Variants in ADGRD1 observed in about 807,000 individuals in gnomAD.
ADGRD1 encodes adhesion G protein-coupled receptor D1.
A neutral mutation model predicts 113.4 loss-of-function variants in ADGRD1; 77 were observed. The ratio of observed to expected loss-of-function variants is 0.68; its 90% CI spans 0.57 to 0.82. The LOEUF (loss-of-function observed/expected upper bound fraction) is 0.82, where lower values mean the gene tolerates loss of function less well. Among genes scored for constraint, ADGRD1 ranks in the 40% least tolerant of loss-of-function variants. ADGRD1 has a pLI of 0.00. For synonymous variants in ADGRD1, 474 were observed against 475.0 expected (o/e 1.00, Z 0.03); for missense variants, 1,036 against 1,139.1 (o/e 0.91, Z 1.30).
chr12:131,128,868 G>A lies in ADGRD1; in HGVS notation c.2176-2857G>A, dbSNP rs948049293. On this transcript the variant is annotated intron_variant, in intron 20 of 24. Coordinates refer to ENST00000261654, the MANE Select transcript of ADGRD1 (RefSeq NM_198827.5). Reference sequence around the variant, plus strand: ...CCCTGCTGTCTGGGTGTGGACGGCAGCCCCACCCTGCTGTCTGGGTGTGAG... The same window carrying A: ...CCCTGCTGTCTGGGTGTGGACGGCAACCCCACCCTGCTGTCTGGGTGTGAG... Among the ~76,000 whole-genome samples the A allele has an allele frequency of 4.6e-5, 7 of 151,612 alleles. No individual in the cohort carries two copies. In the East Asian group the frequency reaches 1.2e-3, roughly 25 times the overall value.
chr12:131,099,917 T>C (rs559915318), intron 15 of ADGRD1, among the ~76,000 whole-genome samples: 6 of 152,252 alleles, frequency 3.9e-5, no homozygotes, highest in East Asian at 1.9e-4. Context: ...TAAAAGTACA[T>C]GATAAAGAGA....
chr12:131,139,018 G>T, intron 24 of ADGRD1, 150 bp from the exon 25 acceptor site: 1 of 616,312 alleles, frequency 1.6e-6, no homozygotes. Flanking sequence ...ATCTCCCCCA[G>T]GAGCATGGGG....
At position 130,982,017 on chromosome 12, in the gene ADGRD1, T is replaced by C. The variant is rs4759534; in HGVS notation, c.444T>C (p.Tyr148=). The C allele has an allele frequency of 0.98, 1,587,341 of 1,614,038 alleles. 782,321 individuals carry two copies. The highest frequency in any genetic ancestry group is 0.99 in the Non-Finnish European group (1,173,831 of 1,180,004). ...SSGGRGSVEL[Y]TRDNSMTWEA... ...GTGGCAGAGGCTCTGTGGAGCTGTA[T>C]ACGCGGGACAATTCCATGACATGGG... The change falls in exon 5 of 25, where the codon TAT becomes TAC. Residue 148 remains tyrosine, a synonymous_variant. Coordinates refer to ENST00000261654, the MANE Select transcript of ADGRD1 (RefSeq NM_198827.5).
chr12:131,039,908 C>T lies in ADGRD1; in HGVS notation c.1473+25568C>T, dbSNP rs143726758. On this transcript the variant is annotated intron_variant, in intron 13 of 24. Coordinates refer to ENST00000261654, the MANE Select transcript of ADGRD1 (RefSeq NM_198827.5). Reference sequence around the variant, plus strand: ...GAGGATCTGAGAAGGTGCTGCCGGCCAGCTGTGCTGGTGGCCCTGCCGGCG... The same window carrying T: ...GAGGATCTGAGAAGGTGCTGCCGGCTAGCTGTGCTGGTGGCCCTGCCGGCG... Among the ~76,000 whole-genome samples, 677 of 152,364 alleles carry T rather than the reference C, an allele frequency of 4.4e-3. 4 individuals carry two copies. Among genetic ancestry groups the T allele is most frequent in the African/African-American group, 0.016 (649 of 41,588 alleles).
At chr12:130,982,220 C>T (rs1873094884) in intron 5 of ADGRD1, among the ~76,000 whole-genome samples, 157 bp downstream of exon 5, 2 of 152,144 alleles carry the variant, frequency 1.3e-5, no homozygotes, top group African/African-American at 4.8e-5. Flanking sequence ...TGGGGAGGTG[C>T]ATGGGGAGAG....
At chr12:131,086,809 C>T (rs1031642664) in intron 15 of ADGRD1, among the ~76,000 whole-genome samples, 7 of 152,200 alleles carry the variant, frequency 4.6e-5, no homozygotes, top group Non-Finnish European at 7.3e-5. Context: ...AAAGAGAAGG[C>T]CCTTTCTTTT....
intron 8 of ADGRD1, among the ~76,000 whole-genome samples, chr12:130,997,512 T>C (rs1875727876): frequency 6.7e-6 from 1 of 149,912 alleles, no homozygotes; most frequent in Admixed American, 6.6e-5. Context: ...GAGACGCTCC[T>C]CACCTCCCAG....
At chr12:131,087,254 G>T (rs1190692287) in intron 15 of ADGRD1, among the ~76,000 whole-genome samples, 1 of 152,168 alleles carries the variant, frequency 6.6e-6, no homozygotes. Flanking sequence ...TCACTTTGTG[G>T]CCCAGGCTCT....
chr12:131,139,418 T>G lies in ADGRD1; in HGVS notation c.*155T>G. The G allele has an allele frequency of 1.6e-6, 1 of 621,776 alleles. No homozygotes were observed. The highest frequency in any genetic ancestry group is 2.9e-6 in the Non-Finnish European group (1 of 344,990). The allele number at this position is 621,776 out of a possible 1,614,324, so 38.5% of individuals were successfully genotyped here. On this transcript the variant is annotated 3_prime_UTR_variant, in exon 25 of 25. Coordinates refer to ENST00000261654, the MANE Select transcript of ADGRD1 (RefSeq NM_198827.5). ...AGCTGTCCTCCCCTGTGACTCTGGCTGTCGGAGCACACTGCTCAGCCCAGC... is the reference window on the plus strand; with the variant it reads ...AGCTGTCCTCCCCTGTGACTCTGGCGGTCGGAGCACACTGCTCAGCCCAGC...
chr12:130,961,115 TC>T (rs1315022678), intron 2 of ADGRD1, among the ~76,000 whole-genome samples: 1 of 152,094 alleles, frequency 6.6e-6, no homozygotes, highest in African/African-American at 2.4e-5. Flanking sequence ...GAAGATTATT[TC>T]CCTGCAGGAA....
intron 20 of ADGRD1, among the ~76,000 whole-genome samples, chr12:131,122,306 G>C (rs1331870050): frequency 6.6e-6 from 1 of 152,160 alleles, no homozygotes; most frequent in Non-Finnish European, 1.5e-5. Flanking sequence ...AGCGTCTACA[G>C]AGCTCCGAGC....
chr12:131,094,693 C>A (rs1336782427), intron 15 of ADGRD1, among the ~76,000 whole-genome samples: 1 of 152,232 alleles, frequency 6.6e-6, no homozygotes, highest in Non-Finnish European at 1.5e-5. Flanking sequence ...TTGTCACCAT[C>A]CCTTCTGATT....
chr12:130,999,332 C>T (rs967316097), intron 8 of ADGRD1, among the ~76,000 whole-genome samples: 2 of 152,226 alleles, frequency 1.3e-5, no homozygotes, highest in African/African-American at 2.4e-5. Context: ...GACCTCGTTC[C>T]TGTGTGACAC....
At chr12:130,979,515 C>CAA (rs1202771211) in intron 4 of ADGRD1, among the ~76,000 whole-genome samples, 1 of 152,184 alleles carries the variant, frequency 6.6e-6, no homozygotes, top group South Asian at 2.1e-4. Flanking sequence ...ACACGAATGA[C>CAA]AAATGTCTTC....
Position 131,084,558 on chromosome 12 carries a change from G to A in ADGRD1, c.1566G>A (p.Trp522Ter), listed in dbSNP as rs1886314873. ...FLDFSSGEGV[W>*]SNHGCALTRG... ...TCCTCAGCTCCGGAGAAGGGGTCTGGTCGAACCACGGCTGTGCGCTCACGA... is the reference window on the plus strand; with the variant it reads ...TCCTCAGCTCCGGAGAAGGGGTCTGATCGAACCACGGCTGTGCGCTCACGA... The change falls in exon 15 of 25, where the codon TGG becomes TGA. Residue 522 changes from tryptophan to a stop codon, truncating the protein, a stop_gained. Transcript: ENST00000261654. LOFTEE classifies it high-confidence loss of function. The surrounding 1 kb of genome is among the most constrained non-coding windows in gnomAD (Gnocchi z 4.5). The A allele has an allele frequency of 1.9e-6, 3 of 1,613,946 alleles. No individual in the cohort carries two copies. Among genetic ancestry groups the A allele is most frequent in the Non-Finnish European group, 2.5e-6 (3 of 1,180,022 alleles).
At chr12:130,981,792 G>A (rs759877919) in intron 4 of ADGRD1, 92 bp from the exon 5 acceptor site, 13 of 847,930 alleles carry the variant, frequency 1.5e-5, no homozygotes, top group South Asian at 1.1e-4. Context: ...AATGCTTTTC[G>A]AATGAAAAAT....
intron 13 of ADGRD1, among the ~76,000 whole-genome samples, chr12:131,016,841 A>C (rs1204658825): frequency 6.6e-6 from 1 of 151,942 alleles, no homozygotes; most frequent in Non-Finnish European, 1.5e-5. Context: ...TGCAGTGAGC[A>C]GAGATCGGGC....
At chr12:131,019,788 C>T (rs983173058) in intron 13 of ADGRD1, among the ~76,000 whole-genome samples, 33 of 151,692 alleles carry the variant, frequency 2.2e-4, no homozygotes, top group Non-Finnish European at 4.4e-4. Flanking sequence ...CAGGGAAGGA[C>T]CCCGAGCTCC....
At chr12:131,033,079 G>A (rs7959582) in intron 13 of ADGRD1, among the ~76,000 whole-genome samples, 56,645 of 152,128 alleles carry the variant, frequency 0.37, 11,564 homozygotes, top group South Asian at 0.53. Flanking sequence ...GACGAGCCCC[G>A]CCCTGCCCTC....
Sources: gnomAD v4.1 joint callset for allele counts (sites outside exome capture counted in the v4.1 genomes callset) on GRCh38, gnomAD v4.1.1 for gene constraint, Gnocchi (gnomAD v3.1) non-coding constraint, MANE v1.5 for transcripts, NCBI Gene and HGNC (gene_info 2026-07-23, HGNC 2026-07-21) for gene names.